SLC25A13: variants seen among roughly 807,000 people sequenced by gnomAD.
SLC25A13 encodes the protein electrogenic aspartate/glutamate antiporter SLC25A13, mitochondrial.
SLC25A13 carries 70 observed loss-of-function variants against 85.5 expected under a neutral mutation model. The ratio of observed to expected loss-of-function variants is 0.82; its 90% confidence interval spans 0.68 to 1.00. SLC25A13 has a LOEUF of 1.00. Ranked by LOEUF, SLC25A13 falls within the 50% of genes least tolerant of loss-of-function variation. SLC25A13 has a pLI of 0.00. For synonymous variants in SLC25A13, 259 were observed against 288.7 expected, an observed-to-expected ratio of 0.90 and a Z score of 1.04; for missense variants, 765 against 819.8, an observed-to-expected ratio of 0.93 and a Z score of 0.82.
rs1003833251 is a variant in SLC25A13 at position 96,200,722 on chromosome 7, T to C, written c.469-7539A>G. ...CAGAGCTTTTCCATCTCAATTTCCT[T>C]GCTCTTCTAATTTAACGTTAAACTT... On this transcript the variant is annotated intron_variant, in intron 5 of 17. Coordinates refer to ENST00000265631, the MANE Select transcript of SLC25A13 (RefSeq NM_014251.3). 2.0e-5 allele frequency among the ~76,000 whole-genome samples: 3 copies of C among 152,158 alleles called. No homozygotes were observed. In the East Asian group the frequency reaches 5.8e-4, roughly 29 times the overall value.
intron 15 of SLC25A13, among the ~76,000 whole-genome samples, chr7:96,125,335 G>A (rs1791681721): frequency 1.3e-5 from 2 of 152,150 alleles, no homozygotes; most frequent in South Asian, 2.1e-4. Context: ...CAGGTAATCC[G>A]CCCACCTTGG....
chr7:96,214,653 G>C (rs577046744), intron 4 of SLC25A13, among the ~76,000 whole-genome samples: 22 of 152,212 alleles, frequency 1.4e-4, no homozygotes, highest in African/African-American at 4.6e-4. Flanking sequence ...CGTGAACCCG[G>C]AAGGCGGAGC....
chr7:96,154,165 C>T (rs1359611979), intron 13 of SLC25A13, among the ~76,000 whole-genome samples: 1 of 152,010 alleles, frequency 6.6e-6, no homozygotes. Context: ...AATAAAAAAT[C>T]GTGTAGAGGA....
intron 15 of SLC25A13, among the ~76,000 whole-genome samples, chr7:96,126,136 C>T (rs907721957): frequency 2.0e-5 from 3 of 152,102 alleles, no homozygotes; most frequent in Admixed American, 1.3e-4. Flanking sequence ...TCTAGGTATG[C>T]TTCACCCACA....
intron 4 of SLC25A13, among the ~76,000 whole-genome samples, chr7:96,232,586 A>G (rs938889609): frequency 6.6e-6 from 1 of 151,204 alleles, no homozygotes; most frequent in African/African-American, 2.4e-5. Flanking sequence ...GTACCCCTGA[A>G]CTTACGTTAA....
rs185303902 is a variant in SLC25A13, at chr7:96,275,678, T to C, written c.212+1518A>G. 2.1e-3 allele frequency among the ~76,000 whole-genome samples: 326 copies of C among 152,070 alleles called. 2 individuals carry two copies. The highest frequency in any genetic ancestry group is 7.6e-3 in the African/African-American group (316 of 41,470). ...GCATGTTCTCACTCATAGATGGGAA[T>C]TGAACAATGAGAACACATGGACACA... On this transcript the variant is annotated intron_variant, in intron 3 of 17. Coordinates refer to ENST00000265631, the MANE Select transcript of SLC25A13 (RefSeq NM_014251.3).
chr7:96,295,390 A>G (rs1183219391), intron 2 of SLC25A13, among the ~76,000 whole-genome samples: 2 of 152,162 alleles, frequency 1.3e-5, no homozygotes, highest in Non-Finnish European at 2.9e-5. Context: ...AAACATATAC[A>G]AAGTAGAGAG....
At chr7:96,224,977 CTA>C (rs1796279720) in intron 4 of SLC25A13, among the ~76,000 whole-genome samples, 1 of 152,148 alleles carries the variant, frequency 6.6e-6, no homozygotes, top group Non-Finnish European at 1.5e-5. Context: ...TTCCCCATGT[CTA>C]TTTCCTCTAC....
intron 4 of SLC25A13, chr7:96,219,677 A>T (rs373166720): frequency 1.9e-6 from 1 of 534,496 alleles, no homozygotes; most frequent in African/African-American, 1.9e-5. Flanking sequence ...AGTAGATTTG[A>T]GACAGAGCCA....
At chr7:96,308,665 T>C (rs1478597013) in intron 1 of SLC25A13, among the ~76,000 whole-genome samples, 1 of 151,910 alleles carries the variant, frequency 6.6e-6, no homozygotes, top group Non-Finnish European at 1.5e-5. Context: ...ATTTCAAACA[T>C]GACAAACTCA....
At chr7:96,242,785 C>G (rs1797043090) in intron 3 of SLC25A13, among the ~76,000 whole-genome samples, 2 of 152,318 alleles carry the variant, frequency 1.3e-5, no homozygotes, top group Middle Eastern at 3.4e-3. Flanking sequence ...CCTTTCTGGA[C>G]AGAATCAATG....
chr7:96,260,720 T>C (rs1005288492), intron 3 of SLC25A13, among the ~76,000 whole-genome samples: 5 of 152,104 alleles, frequency 3.3e-5, no homozygotes, highest in African/African-American at 1.2e-4. Context: ...ATCTAATCCA[T>C]CAATAAAATC....
At chr7:96,269,817 T>C (rs1195573607) in intron 3 of SLC25A13, among the ~76,000 whole-genome samples, 1 of 152,200 alleles carries the variant, frequency 6.6e-6, no homozygotes, top group Non-Finnish European at 1.5e-5. Flanking sequence ...ACAATATGGA[T>C]GAACCTGAAG....
intron 15 of SLC25A13, among the ~76,000 whole-genome samples, chr7:96,126,334 C>G (rs1405591194): frequency 6.6e-6 from 1 of 152,120 alleles, no homozygotes; most frequent in Non-Finnish European, 1.5e-5. Flanking sequence ...TTTTTTCCTG[C>G]ATCTGTGGTA....
chr7:96,209,223 A>G (rs1482197594), intron 4 of SLC25A13, among the ~76,000 whole-genome samples: 2 of 151,706 alleles, frequency 1.3e-5, no homozygotes, highest in East Asian at 3.9e-4. Flanking sequence ...CACACACACA[A>G]CCTAAAGGCT....
intron 4 of SLC25A13, among the ~76,000 whole-genome samples, chr7:96,230,000 A>G (rs1165974115): frequency 6.6e-6 from 1 of 152,240 alleles, no homozygotes; most frequent in Non-Finnish European, 1.5e-5. Context: ...GAGCAAGTCT[A>G]TTCCTAGAAA....
chr7:96,208,086 C>A (rs1383276233), intron 5 of SLC25A13, among the ~76,000 whole-genome samples: 1 of 152,142 alleles, frequency 6.6e-6, no homozygotes, highest in Admixed American at 6.5e-5. Context: ...AGTGTCTTAT[C>A]TATAAAAGGT....
At chr7:96,140,693 G>A (rs539654090) in intron 14 of SLC25A13, among the ~76,000 whole-genome samples, 3 of 151,536 alleles carry the variant, frequency 2.0e-5, no homozygotes, top group East Asian at 3.9e-4. Context: ...GTCAGGCACC[G>A]CGCCTGGCCT....
chr7:96,252,665 T>G (rs1298476784), intron 3 of SLC25A13, among the ~76,000 whole-genome samples: 1 of 152,050 alleles, frequency 6.6e-6, no homozygotes, highest in African/African-American at 2.4e-5. Context: ...AAGTGAGTAT[T>G]GCAAAAAGGG....
Sources: gnomAD v4.1 joint callset for allele counts (sites outside exome capture counted in the v4.1 genomes callset) on GRCh38, gnomAD v4.1.1 for gene constraint, MANE v1.5 for transcripts, NCBI Gene and HGNC (gene_info 2026-07-23, HGNC 2026-07-21) for gene names.